The following PLXDC2 variants were observed in gnomAD, a reference collection of about 807,000 sequenced individuals.
PLXDC2 encodes the protein plexin domain-containing protein 2.
Under a neutral mutation model 68.9 loss-of-function variants are expected in PLXDC2, and 40 were observed. That is an observed-to-expected ratio of 0.58 (90% CI 0.45 to 0.76). The LOEUF (loss-of-function observed/expected upper bound fraction) is 0.76. PLXDC2 is among the 30% of genes least tolerant of loss of function. PLXDC2 has a pLI of 0.00. For synonymous variants in PLXDC2, 243 were observed against 234.2 expected (o/e 1.04, Z -0.34); for missense variants, 644 against 661.9 (o/e 0.97, Z 0.30).
At chr10:20,052,722 C>CAAAAAAAAAAAAAAAAAAAAGA (rs59776582) in intron 3 of PLXDC2, among the ~76,000 whole-genome samples, 1 of 92,802 alleles carries the variant, frequency 1.1e-5, no homozygotes, top group Non-Finnish European at 2.4e-5. Flanking sequence ...ACAAATTATG[C>CAAAAAAAAAAAAAAAAAAAAGA]AAAAAAAAAA....
chr10:19,906,477 T>C (rs1037502511), intron 1 of PLXDC2, among the ~76,000 whole-genome samples: 1 of 152,112 alleles, frequency 6.6e-6, no homozygotes, highest in East Asian at 1.9e-4. Flanking sequence ...GTGAATACTT[T>C]TAGTGGATTC....
rs887741110 is a variant in PLXDC2 at position 20,082,067 on chromosome 10, A to C, written c.541+13828A>C. On this transcript the variant is annotated intron_variant, in intron 4 of 13. Transcript: ENST00000377252. ...TCTGAAAAAAAAAAAAAAAAATCAA[A>C]AAAAAAAAACAGGAGAAGTCTGAGA... Among the ~76,000 whole-genome samples, 14 of 147,570 alleles carry C rather than the reference A, an allele frequency of 9.5e-5. 1 individual carries two copies. Among genetic ancestry groups the C allele is most frequent in the African/African-American group, 3.5e-4 (14 of 40,118 alleles).
intron 2 of PLXDC2, among the ~76,000 whole-genome samples, chr10:20,031,348 C>T (rs923222233): frequency 1.3e-5 from 2 of 150,912 alleles, no homozygotes; most frequent in African/African-American, 2.4e-5. Flanking sequence ...CCAGCCTGGG[C>T]GACAGAGCAA....
At chr10:19,885,056 G>A (rs1837816199) in intron 1 of PLXDC2, among the ~76,000 whole-genome samples, 1 of 152,150 alleles carries the variant, frequency 6.6e-6, no homozygotes, top group Admixed American at 6.5e-5. Flanking sequence ...TAACTGGTGT[G>A]AGATGATATC....
intron 4 of PLXDC2, among the ~76,000 whole-genome samples, chr10:20,072,485 G>GAA (rs1359241419): frequency 1.9e-4 from 21 of 112,440 alleles, no homozygotes; most frequent in African/African-American, 7.9e-4. Flanking sequence ...AAGGAACAAA[G>GAA]AAAGAAAGAG....
intron 1 of PLXDC2, among the ~76,000 whole-genome samples, chr10:19,987,415 C>T (rs1310560973): frequency 6.6e-6 from 1 of 151,960 alleles, no homozygotes; most frequent in Admixed American, 6.6e-5. Flanking sequence ...AATTTTTTAC[C>T]GATTTAATAC....
At chr10:19,896,494 A>G (rs150043131) in intron 1 of PLXDC2, among the ~76,000 whole-genome samples, 1 of 152,350 alleles carries the variant, frequency 6.6e-6, no homozygotes, top group East Asian at 1.9e-4. Flanking sequence ...CCAGACATAA[A>G]TAAGTCCTCA....
chr10:20,081,166 C>T (rs1327716385), intron 4 of PLXDC2, among the ~76,000 whole-genome samples: 4 of 152,170 alleles, frequency 2.6e-5, no homozygotes, highest in African/African-American at 9.7e-5. Flanking sequence ...AAAGTCATTT[C>T]TCCCACTGGA....
chr10:19,866,224 T>C (rs1837413607), intron 1 of PLXDC2, among the ~76,000 whole-genome samples: 1 of 152,216 alleles, frequency 6.6e-6, no homozygotes, highest in South Asian at 2.1e-4. Flanking sequence ...CACAAATTTA[T>C]TGTCCTGCAT....
At chr10:20,103,811 T>G (rs1833454602) in intron 4 of PLXDC2, among the ~76,000 whole-genome samples, 1 of 152,062 alleles carries the variant, frequency 6.6e-6, no homozygotes, top group South Asian at 2.1e-4. Context: ...CCCAGCTAAT[T>G]TTTGTATTTT....
chr10:20,039,348 C>G lies in PLXDC2; in HGVS notation c.325-7521C>G, dbSNP rs1182337246. ...TGGAGATGTTTATTTTACGGCATTT[C>G]TTTTAATGCTGATTTTATTTACGGC... On this transcript the variant is annotated intron_variant, in intron 2 of 13. Transcript: ENST00000377252. Among the ~76,000 whole-genome samples the G allele has an allele frequency of 2.0e-5, 3 of 152,150 alleles. No homozygotes were observed. The South Asian group carries it at 6.2e-4, about 32-fold the overall frequency.
At chr10:20,038,282 AC>A (rs1835616893) in intron 2 of PLXDC2, among the ~76,000 whole-genome samples, 1 of 151,962 alleles carries the variant, frequency 6.6e-6, no homozygotes, top group Admixed American at 6.6e-5. Flanking sequence ...AATAAATCAT[AC>A]CTAGAAAAGT....
intron 1 of PLXDC2, among the ~76,000 whole-genome samples, chr10:19,851,327 G>T (rs1410260742): frequency 6.6e-6 from 1 of 152,030 alleles, no homozygotes; most frequent in African/African-American, 2.4e-5. Context: ...AAATATTTAG[G>T]GTTTTTGTTG....
intron 7 of PLXDC2, 71 bp downstream of exon 7, chr10:20,164,638 G>A (rs1348377975): frequency 8.6e-7 from 1 of 1,168,236 alleles, no homozygotes; most frequent in African/African-American, 1.5e-5. Flanking sequence ...TTGGTCTATG[G>A]CAGCTGTACC....
chr10:19,897,417 T>C (rs1325874500), intron 1 of PLXDC2, among the ~76,000 whole-genome samples: 1 of 151,664 alleles, frequency 6.6e-6, no homozygotes, highest in Non-Finnish European at 1.5e-5. Flanking sequence ...TTTTGTATTG[T>C]TTTTTTTAGT....
At chr10:20,052,722 C>CAAAAAAAAAAAAAAAAAAAAA (rs59776582) in intron 3 of PLXDC2, among the ~76,000 whole-genome samples, 31 of 92,622 alleles carry the variant, frequency 3.3e-4, no homozygotes, top group Non-Finnish European at 4.6e-4. Flanking sequence ...ACAAATTATG[C>CAAAAAAAAAAAAAAAAAAAAA]AAAAAAAAAA....
At chr10:20,068,321 G>C in intron 4 of PLXDC2, 82 bp downstream of exon 4, 3 of 1,148,806 alleles carry the variant, frequency 2.6e-6, no homozygotes, top group Non-Finnish European at 3.8e-6. Context: ...TATATTTCAA[G>C]ATGGATATTT....
chr10:20,023,439 G>T (rs1421655265), intron 2 of PLXDC2, among the ~76,000 whole-genome samples: 1 of 152,122 alleles, frequency 6.6e-6, no homozygotes, highest in Non-Finnish European at 1.5e-5. Context: ...GGGAGGTGGG[G>T]CCTAATAAGA....
intron 1 of PLXDC2, among the ~76,000 whole-genome samples, chr10:19,838,410 C>T (rs1395962720): frequency 1.3e-5 from 2 of 152,182 alleles, no homozygotes; most frequent in African/African-American, 4.8e-5. Flanking sequence ...TAACTTTACT[C>T]TGTTGTTTCC....
Sources: allele counts gnomAD v4.1 joint callset (sites outside exome capture counted in the v4.1 genomes callset), GRCh38; gene constraint gnomAD v4.1.1; transcripts MANE v1.5; gene names NCBI Gene and HGNC (gene_info 2026-07-23, HGNC 2026-07-21).